The following CNTN6 variants were observed in gnomAD, a reference collection of about 807,000 sequenced individuals.
CNTN6 encodes the protein contactin 6.
A neutral mutation model predicts 122.8 loss-of-function variants in CNTN6; 137 were observed. The observed-to-expected ratio is 1.12, with a 90% CI of 0.97 to 1.29. The LOEUF is 1.29. Among genes scored for constraint, CNTN6 ranks in the 50% most tolerant of loss-of-function variants. CNTN6 has a pLI of 0.00. For missense variants in CNTN6, 1,634 were observed against 1,223.4 expected (o/e 1.34, Z -5.01); for synonymous variants, 570 against 426.0 (o/e 1.34, Z -4.16).
chr3:1,138,769 A>T (rs745599846), intron 1 of CNTN6, among the ~76,000 whole-genome samples: 1 of 150,588 alleles, frequency 6.6e-6, no homozygotes, highest in Non-Finnish European at 1.5e-5. Flanking sequence ...TTTGGAATAT[A>T]TGAAGAAGCA....
chr3:1,226,597 C>T (rs188083929), intron 3 of CNTN6, among the ~76,000 whole-genome samples: 13 of 152,198 alleles, frequency 8.5e-5, no homozygotes, highest in Admixed American at 2.0e-4. Context: ...GCTAACTTCC[C>T]GCCAGTTTCT....
intron 7 of CNTN6, among the ~76,000 whole-genome samples, chr3:1,316,959 C>T (rs1700176913): frequency 6.6e-6 from 1 of 151,798 alleles, no homozygotes; most frequent in African/African-American, 2.4e-5. Context: ...AAAATGCATA[C>T]ATATTTTTAA....
At chr3:1,245,237 C>CATATATATATATATATA (rs2094551999) in intron 4 of CNTN6, among the ~76,000 whole-genome samples, 6 of 6,714 alleles carry the variant, frequency 8.9e-4, no homozygotes, top group Non-Finnish European at 1.6e-3. Flanking sequence ...TATATATATA[C>CATATATATATATATATA]ACACACACAT....
chr3:1,118,092 A>G (rs1213202182), intron 1 of CNTN6, among the ~76,000 whole-genome samples: 3 of 152,196 alleles, frequency 2.0e-5, no homozygotes, highest in African/African-American at 7.2e-5. Context: ...GGATTAAATT[A>G]TATGCTCCGT....
intron 19 of CNTN6, among the ~76,000 whole-genome samples, chr3:1,383,802 T>C (rs919157282): frequency 6.6e-6 from 1 of 152,286 alleles, no homozygotes; most frequent in African/African-American, 2.4e-5. Context: ...CCACTTCTAA[T>C]TACATGCAAA....
chr3:1,347,837 G>A (rs763918002), intron 11 of CNTN6, among the ~76,000 whole-genome samples: 11 of 152,014 alleles, frequency 7.2e-5, no homozygotes, highest in Admixed American at 3.3e-4. Context: ...ATGAATTCAC[G>A]GAAGGGTTTT....
intron 5 of CNTN6, among the ~76,000 whole-genome samples, chr3:1,291,336 G>C (rs1695285815): frequency 6.6e-6 from 1 of 152,188 alleles, no homozygotes; most frequent in African/African-American, 2.4e-5. Context: ...TGTAGGAATA[G>C]ATTGGCAAGT....
intron 2 of CNTN6, among the ~76,000 whole-genome samples, chr3:1,162,221 T>G (rs1368776261): frequency 6.6e-6 from 1 of 152,168 alleles, no homozygotes; most frequent in Non-Finnish European, 1.5e-5. Context: ...AGCTCTATAA[T>G]CAGTTCTTAA....
intron 10 of CNTN6, among the ~76,000 whole-genome samples, chr3:1,327,793 C>T (rs1050002340): frequency 4.6e-5 from 7 of 151,764 alleles, no homozygotes; most frequent in Admixed American, 6.6e-5. Flanking sequence ...AAAAAACCCA[C>T]CATTGGGTGC....
chr3:1,339,261 A>G (rs896445523), intron 11 of CNTN6, among the ~76,000 whole-genome samples: 2 of 152,046 alleles, frequency 1.3e-5, no homozygotes, highest in East Asian at 1.9e-4. Context: ...CTCACCCTAA[A>G]TCTCCATGGT....
intron 12 of CNTN6, among the ~76,000 whole-genome samples, chr3:1,366,266 G>T (rs541607521): frequency 2.3e-4 from 35 of 152,246 alleles, no homozygotes; most frequent in Non-Finnish European, 4.4e-4. Flanking sequence ...TGTTTGAAAA[G>T]ACTTAAAGAA....
In CNTN6 at chr3:1,398,002, A is replaced by G. The variant is rs571305589; in HGVS notation, c.2705-3431A>G. On this transcript the variant is annotated intron_variant, in intron 20 of 22. Coordinates refer to ENST00000446702, the MANE Select transcript of CNTN6 (RefSeq NM_001289080.2). ...ATTAGAATTCTGAGGGGCTAGTTTA[A>G]TGTTGCTCTGTCATTTGATTAATAG... Among the ~76,000 whole-genome samples, 421 of 152,210 alleles carry G rather than the reference A, an allele frequency of 2.8e-3. 1 individual carries two copies. The highest frequency in any genetic ancestry group is 0.01 in the Middle Eastern group (3 of 294).
chr3:1,387,502 C>G (rs1693210674), intron 20 of CNTN6, among the ~76,000 whole-genome samples: 1 of 152,160 alleles, frequency 6.6e-6, no homozygotes, highest in Non-Finnish European at 1.5e-5. Flanking sequence ...TTCAGATTAC[C>G]TAGACATTTA....
intron 12 of CNTN6, among the ~76,000 whole-genome samples, chr3:1,360,470 G>T (rs2126102051): frequency 6.6e-6 from 1 of 151,766 alleles, no homozygotes; most frequent in Non-Finnish European, 1.5e-5. Context: ...TAAAAGCCCT[G>T]TTATTTAAAT....
chr3:1,292,751 A>G (rs1190226908), intron 5 of CNTN6, among the ~76,000 whole-genome samples: 1 of 152,164 alleles, frequency 6.6e-6, no homozygotes, highest in Non-Finnish European at 1.5e-5. Flanking sequence ...TCTTCCATTT[A>G]CACAAAAAAT....
At chr3:1,233,877 T>G (rs2094389146) in intron 4 of CNTN6, among the ~76,000 whole-genome samples, 1 of 152,114 alleles carries the variant, frequency 6.6e-6, no homozygotes, top group Admixed American at 6.6e-5. Flanking sequence ...ACCTCAGTTT[T>G]TATCATATAC....
At chr3:1,231,982 C>A (rs1181074108) in intron 4 of CNTN6, among the ~76,000 whole-genome samples, 1 of 152,130 alleles carries the variant, frequency 6.6e-6, no homozygotes, top group Non-Finnish European at 1.5e-5. Flanking sequence ...TAGACCTCTT[C>A]CTTTTGTATG....
chr3:1,150,368 A>C (rs572110872), intron 2 of CNTN6, among the ~76,000 whole-genome samples: 1 of 152,204 alleles, frequency 6.6e-6, no homozygotes, highest in East Asian at 1.9e-4. Flanking sequence ...AATTATTATA[A>C]TTTTTCTAAC....
chr3:1,322,437 AC>A (rs1188384014), intron 8 of CNTN6, among the ~76,000 whole-genome samples: 7 of 151,696 alleles, frequency 4.6e-5, no homozygotes, highest in African/African-American at 1.7e-4. Flanking sequence ...ATTTTCTCTT[AC>A]TTAACATTAA....
Sources: gnomAD v4.1 joint callset for allele counts (sites outside exome capture counted in the v4.1 genomes callset) on GRCh38, gnomAD v4.1.1 for gene constraint, MANE v1.5 for transcripts, NCBI Gene and HGNC (gene_info 2026-07-23, HGNC 2026-07-21) for gene names.